ENTREP2: variants seen among roughly 807,000 people sequenced by gnomAD.
ENTREP2 encodes the protein endosomal transmembrane epsin interactor 2.
the ENTREP2 span, among the ~76,000 whole-genome samples, chr15:29,522,628 G>A: frequency 6.6e-6 from 1 of 152,120 alleles, no homozygotes; most frequent in Non-Finnish European, 1.5e-5. Flanking sequence ...TACCCGTCTC[G>A]GCAGGAGCCT....
the ENTREP2 span, among the ~76,000 whole-genome samples, chr15:29,502,925 T>C: frequency 1.3e-5 from 2 of 151,516 alleles, no homozygotes; most frequent in African/African-American, 4.9e-5. Context: ...CCCACTAGGA[T>C]GGCTAGAATA....
the ENTREP2 span, among the ~76,000 whole-genome samples, chr15:29,653,355 T>C: frequency 1.3e-5 from 2 of 152,168 alleles, no homozygotes; most frequent in South Asian, 2.1e-4. Flanking sequence ...CTTATATCGA[T>C]TTGGATTCCT....
the ENTREP2 span, among the ~76,000 whole-genome samples, chr15:29,301,987 C>A: frequency 1.3e-5 from 2 of 152,108 alleles, no homozygotes; most frequent in Admixed American, 6.6e-5. Flanking sequence ...GTTACCCAGC[C>A]TATGGTATTT....
the ENTREP2 span, among the ~76,000 whole-genome samples, chr15:29,275,932 T>C: frequency 1.3e-5 from 2 of 152,016 alleles, no homozygotes; most frequent in African/African-American, 2.4e-5. Context: ...AGCAAGGGAG[T>C]TGGGAGGCAA....
At chr15:29,599,874 C>T in the ENTREP2 span, among the ~76,000 whole-genome samples, 3 of 152,238 alleles carry the variant, frequency 2.0e-5, no homozygotes, top group Non-Finnish European at 4.4e-5. Context: ...AGCCGAGCAG[C>T]AGCCCTGCCC....
the ENTREP2 span, among the ~76,000 whole-genome samples, chr15:29,370,807 A>G: frequency 6.6e-6 from 1 of 152,162 alleles, no homozygotes; most frequent in Non-Finnish European, 1.5e-5. Context: ...CTGGGTTTCA[A>G]CCTGAGCTCT....
At chr15:29,326,495 G>A in the ENTREP2 span, among the ~76,000 whole-genome samples, 16,697 of 151,908 alleles carry the variant, frequency 0.11, 2,987 homozygotes, top group African/African-American at 0.38. Flanking sequence ...AAATACTTAG[G>A]TATAAATCTG....
At chr15:29,629,360 C>A in the ENTREP2 span, among the ~76,000 whole-genome samples, 12 of 152,230 alleles carry the variant, frequency 7.9e-5, no homozygotes, top group South Asian at 1.0e-3. Context: ...TGTGTGTTGT[C>A]TCCAGTTCTT....
the ENTREP2 span, among the ~76,000 whole-genome samples, chr15:29,316,735 GAA>G: frequency 6.6e-6 from 1 of 152,102 alleles, no homozygotes; most frequent in Non-Finnish European, 1.5e-5. Flanking sequence ...TGTAAATGTC[GAA>G]AAATATGAAA....
the ENTREP2 span, among the ~76,000 whole-genome samples, chr15:29,189,787 G>T: frequency 1.3e-5 from 2 of 152,036 alleles, no homozygotes; most frequent in Non-Finnish European, 2.9e-5. Context: ...ACAGTCTTGC[G>T]CTGGGTTTGA....
the ENTREP2 span, among the ~76,000 whole-genome samples, chr15:29,655,953 A>T: frequency 6.7e-6 from 1 of 149,928 alleles, no homozygotes; most frequent in Non-Finnish European, 1.5e-5. Context: ...TGAATCTGGG[A>T]AGCGGAGGTT....
the ENTREP2 span, among the ~76,000 whole-genome samples, chr15:29,664,487 G>T: frequency 2.7e-5 from 4 of 148,096 alleles, no homozygotes; most frequent in South Asian, 2.1e-4. Flanking sequence ...ACTGCCTGAT[G>T]TTCCCTCCCT....
At chr15:29,314,613 C>T in the ENTREP2 span, among the ~76,000 whole-genome samples, 1 of 152,150 alleles carries the variant, frequency 6.6e-6, no homozygotes, top group African/African-American at 2.4e-5. Context: ...TTTATATGTA[C>T]TGGGAAACTA....
chr15:29,333,125 T>G, the ENTREP2 span, among the ~76,000 whole-genome samples: 1 of 152,064 alleles, frequency 6.6e-6, no homozygotes, highest in Non-Finnish European at 1.5e-5. Flanking sequence ...AGCTAGAGCC[T>G]GAGGAGACCC....
the ENTREP2 span, among the ~76,000 whole-genome samples, chr15:29,164,647 G>A: frequency 6.6e-6 from 1 of 152,128 alleles, no homozygotes; most frequent in Non-Finnish European, 1.5e-5. Flanking sequence ...AAAAATATAT[G>A]CATCTAACAC....
chr15:29,570,288 C>A, the ENTREP2 span, among the ~76,000 whole-genome samples: 1 of 151,688 alleles, frequency 6.6e-6, no homozygotes, highest in Non-Finnish European at 1.5e-5. Context: ...GGAATCAGCG[C>A]AATAGGAGCG....
chr15:29,159,170 T>C, the ENTREP2 span, among the ~76,000 whole-genome samples: 5 of 151,880 alleles, frequency 3.3e-5, no homozygotes, highest in African/African-American at 9.7e-5. Context: ...CGTTCTGATG[T>C]GTTTGGAGTT....
chr15:29,538,437 G>T, the ENTREP2 span, among the ~76,000 whole-genome samples: 1 of 152,156 alleles, frequency 6.6e-6, no homozygotes, highest in Middle Eastern at 3.4e-3. Context: ...AAAGAAGGAA[G>T]TGAGGGCATG....
chr15:29,557,506 A>G, the ENTREP2 span, among the ~76,000 whole-genome samples: 4 of 152,118 alleles, frequency 2.6e-5, no homozygotes, highest in Admixed American at 2.6e-4. Context: ...CTGCATCTAC[A>G]TAATTCTGAG....
Sources: gnomAD v4.1 joint callset for allele counts (sites outside exome capture counted in the v4.1 genomes callset) on GRCh38, gnomAD v4.1.1 for gene constraint, MANE v1.5 for transcripts, NCBI Gene and HGNC (gene_info 2026-07-23, HGNC 2026-07-21) for gene names.